The following CHRAC1 variants were observed in gnomAD, a reference collection of about 807,000 sequenced individuals.
CHRAC1 encodes chromatin accessibility complex protein 1.
A neutral mutation model predicts 9.1 loss-of-function variants in CHRAC1; 6 were observed. The ratio of observed to expected loss-of-function variants is 0.66; its 90% CI spans 0.36 to 1.29. The LOEUF is 1.29. CHRAC1 is among the 50% of genes most tolerant of loss of function. CHRAC1 has a pLI of 0.03. For missense variants in CHRAC1, 168 were observed against 163.5 expected, an observed-to-expected ratio of 1.03 and a Z score of -0.15; for synonymous variants, 73 against 64.5, an observed-to-expected ratio of 1.13 and a Z score of -0.63.
chr8:140,512,128 C>G (rs2072283164), intron 1 of CHRAC1: 1 of 797,348 alleles, frequency 1.3e-6, no homozygotes, highest in Non-Finnish European at 1.8e-6. Context: ...CCGTGGGCGT[C>G]GGCGCCTAGT....
chr8:140,515,489 C>T lies in CHRAC1; in HGVS notation c.*242C>T. 1 of 310,972 alleles carries T rather than the reference C, an allele frequency of 3.2e-6. No individual in the cohort carries two copies. The highest frequency in any genetic ancestry group is 1.0e-4 in the South Asian group (1 of 9,562). 19.3% of individuals were successfully genotyped at this position (310,972 alleles called of 1,614,324 possible). A position where few individuals can be genotyped will look rare whatever the true frequency, so the allele number is the denominator to read the frequency against. ...CCTCCTCGACAGGCCCACCCTGCAG[C>T]TCAGGCACCAAGAAAACAGCCGATA... On this transcript the variant is annotated 3_prime_UTR_variant, in exon 3 of 3. Transcript: ENST00000220913.
intron 1 of CHRAC1, among the ~76,000 whole-genome samples, chr8:140,513,748 CT>C (rs1195771679): frequency 6.6e-6 from 1 of 151,908 alleles, no homozygotes; most frequent in Non-Finnish European, 1.5e-5. Context: ...CTCCCGGCCG[CT>C]TCTTTCTTTT....
In CHRAC1 at chr8:140,511,470, G is replaced by T; in HGVS notation, c.-30G>T. ...AGCCACTTCGCGGTCGGGCCCGCCGGCTGCGGGCACCCGCGCGACGGGCGG... is the reference window on the plus strand; with the variant it reads ...AGCCACTTCGCGGTCGGGCCCGCCGTCTGCGGGCACCCGCGCGACGGGCGG... On this transcript the variant is annotated 5_prime_UTR_variant, in exon 1 of 3. Coordinates refer to ENST00000220913, the MANE Select transcript of CHRAC1 (RefSeq NM_017444.6). 1 of 1,311,688 alleles carries T rather than the reference G, an allele frequency of 7.6e-7. No individual in the cohort carries two copies. Among genetic ancestry groups the T allele is most frequent in the Non-Finnish European group, 9.8e-7 (1 of 1,018,592 alleles). 81.3% of individuals were successfully genotyped at this position (1,311,688 alleles called of 1,614,324 possible).
At chr8:140,512,096 G>A in intron 1 of CHRAC1, 1 of 1,151,432 alleles carries the variant, frequency 8.7e-7, no homozygotes, top group Non-Finnish European at 1.1e-6. Context: ...CCTCGCGTGC[G>A]GCGCTCAGTT....
intron 1 of CHRAC1, 133 bp downstream of exon 1, chr8:140,511,779 G>A: frequency 1.1e-6 from 1 of 940,532 alleles, no homozygotes; most frequent in Non-Finnish European, 1.5e-6. Flanking sequence ...GCGCCCCGCT[G>A]TCCCCGTCCC....
chr8:140,514,676 G>A (rs920975299), intron 2 of CHRAC1, 181 bp downstream of exon 2: 7 of 507,610 alleles, frequency 1.4e-5, no homozygotes, highest in Non-Finnish European at 2.4e-5. Flanking sequence ...GAATGTGTTT[G>A]TCATGTGGTC....
Position 140,514,450 on chromosome 8 carries a change from T to C in CHRAC1, c.229T>C (p.Leu77=), listed in dbSNP as rs1489864714. Residue 77 remains leucine (L), a synonymous_variant, in exon 2 of 3, where the codon TTA becomes CTA. Coordinates refer to ENST00000220913, the MANE Select transcript of CHRAC1 (RefSeq NM_017444.6). ...AAAGAAAGTACTGACTTACAGTGATTTAGCAAACACTGCACAGCAATCAGA... is the reference window on the plus strand; with the variant it reads ...AAAGAAAGTACTGACTTACAGTGATCTAGCAAACACTGCACAGCAATCAGA... ...KEKKVLTYSD[L]ANTAQQSETF... The C allele has an allele frequency of 6.3e-7, 1 of 1,581,296 alleles. No homozygotes were observed. The highest frequency in any genetic ancestry group is 1.4e-5 in the African/African-American group (1 of 72,612).
chr8:140,515,510 C>T lies in CHRAC1; in HGVS notation c.*263C>T, dbSNP rs191916120. The T allele has an allele frequency of 1.7e-4, 46 of 276,150 alleles. No individual in the cohort carries two copies. Among genetic ancestry groups the T allele is most frequent in the Middle Eastern group, 1.0e-3 (1 of 972 alleles). The allele number at this position is 276,150 out of a possible 1,614,324, so 17.1% of individuals were successfully genotyped here. On this transcript the variant is annotated 3_prime_UTR_variant, in exon 3 of 3. Coordinates refer to ENST00000220913, the MANE Select transcript of CHRAC1 (RefSeq NM_017444.6). Reference sequence around the variant, plus strand: ...GCAGCTCAGGCACCAAGAAAACAGCCGATACTGGCAGCCATTGCAGCTCCA... The same window carrying T: ...GCAGCTCAGGCACCAAGAAAACAGCTGATACTGGCAGCCATTGCAGCTCCA...
In CHRAC1 at chr8:140,513,923, T is replaced by C. The variant is rs769265891; in HGVS notation, c.148-446T>C. On this transcript the variant is annotated intron_variant, in intron 1 of 2. Transcript: ENST00000220913. ...TTTCCCCAGTGATTTCTTTTTTTTT[T>C]TTTTTTTTTTTTTTTGAGACGGAGT... 2.3e-3 allele frequency among the ~76,000 whole-genome samples: 262 copies of C among 116,144 alleles called. 3 individuals are homozygous for C. The highest frequency in any genetic ancestry group is 3.3e-3 in the Non-Finnish European group (183 of 55,264). The allele number at this position is 116,144 out of a possible 152,430, so 76.2% of individuals were successfully genotyped here. A position where few individuals can be genotyped will look rare whatever the true frequency, so the allele number is the denominator to read the frequency against.
At chr8:140,513,618 T>TA (rs1240601135) in intron 1 of CHRAC1, among the ~76,000 whole-genome samples, 4 of 151,398 alleles carry the variant, frequency 2.6e-5, no homozygotes, top group African/African-American at 7.3e-5. Flanking sequence ...TTTTTTTTAT[T>TA]TTATTTTTAG....
At chr8:140,512,012 C>T in intron 1 of CHRAC1, 1 of 1,290,456 alleles carries the variant, frequency 7.7e-7, no homozygotes, top group Non-Finnish European at 1.0e-6. Flanking sequence ...CTCGCGCTTC[C>T]ATTCGGCAAA....
rs1564060132 is a variant in CHRAC1, at chr8:140,516,659, GTTCA to G, written c.*1415_*1418del. On this transcript the variant is annotated 3_prime_UTR_variant, in exon 3 of 3. Transcript: ENST00000220913. ...ACCACTGGTGTTTTCTGTCCCTCTT[GTTCA>G]TTGACATTTATTTTAAAATAAAATA... The G allele has an allele frequency of 6.6e-6, 1 of 152,030 alleles. No homozygotes were observed. Among genetic ancestry groups the G allele is most frequent in the African/African-American group, 2.4e-5 (1 of 41,430 alleles). 9.4% of individuals were successfully genotyped at this position (152,030 alleles called of 1,614,324 possible).
intron 1 of CHRAC1, chr8:140,512,075 C>T (rs941662010): frequency 1.6e-6 from 2 of 1,233,442 alleles, no homozygotes; most frequent in Non-Finnish European, 2.1e-6. Context: ...CACCTGTGCG[C>T]TCACGTCCTC....
chr8:140,511,329 A>G lies in CHRAC1; in HGVS notation c.-171A>G. 1 of 452,592 alleles carries G rather than the reference A, an allele frequency of 2.2e-6. No homozygotes were observed. Among genetic ancestry groups the G allele is most frequent in the Non-Finnish European group, 3.6e-6 (1 of 279,880 alleles). 28.0% of individuals were successfully genotyped at this position (452,592 alleles called of 1,614,324 possible). ...AGATCGGGGGCGCGAGGCCTCACGG[A>G]GCTCGTAGTTTCCCGGACGGGCCGC... is the stretch of plus-strand genomic sequence containing the variant. On this transcript the variant is annotated 5_prime_UTR_variant, in exon 1 of 3. Coordinates refer to ENST00000220913, the MANE Select transcript of CHRAC1 (RefSeq NM_017444.6).
chr8:140,514,874 C>T lies in CHRAC1; in HGVS notation c.275-252C>T. ...GCCTAGGCTATCTCAGGTAGTCGGG[C>T]AGGGTTGCTCATAAAAGCAGCTCAT... On this transcript the variant is annotated intron_variant, in intron 2 of 2. Coordinates refer to ENST00000220913, the MANE Select transcript of CHRAC1 (RefSeq NM_017444.6). 6 of 402,874 alleles carry T rather than the reference C, an allele frequency of 1.5e-5. No individual in the cohort carries two copies. In the South Asian group the frequency reaches 2.0e-4, roughly 13 times the overall value. 25.0% of individuals were successfully genotyped at this position (402,874 alleles called of 1,614,324 possible).
At chr8:140,512,861 A>C (rs1484066877) in intron 1 of CHRAC1, among the ~76,000 whole-genome samples, 1 of 152,240 alleles carries the variant, frequency 6.6e-6, no homozygotes, top group Non-Finnish European at 1.5e-5. Flanking sequence ...GGAGTTTCCC[A>C]GGCTGGAGTG....
Position 140,511,527 on chromosome 8 carries a change from A to G in CHRAC1, c.28A>G (p.Lys10Glu). The change falls in exon 1 of 3, where the codon AAG (lysine) becomes GAG (glutamate). Residue 10 changes from lysine (K) to glutamate (E), a missense_variant. Coordinates refer to ENST00000220913, the MANE Select transcript of CHRAC1 (RefSeq NM_017444.6). ...GGCGGACGTGGTCGTGGGTAAAGAC[A>G]AGGGCGGGGAGCAGCGGCTCATCTC... MADVVVGKD[K>E]GGEQRLISLP... 7.2e-7 allele frequency: 1 copy of G among 1,386,740 alleles called. No homozygotes were observed. The highest frequency in any genetic ancestry group is 9.4e-7 in the Non-Finnish European group (1 of 1,062,322). 85.9% of individuals were successfully genotyped at this position (1,386,740 alleles called of 1,614,324 possible). A position where few individuals can be genotyped will look rare whatever the true frequency, so the allele number is the denominator to read the frequency against.
intron 1 of CHRAC1, among the ~76,000 whole-genome samples, chr8:140,513,922 T>TTC (rs1157854963): frequency 8.7e-6 from 1 of 115,298 alleles, no homozygotes; most frequent in Non-Finnish European, 1.8e-5. Context: ...TCTTTTTTTT[T>TTC]TTTTTTTTTT....
chr8:140,511,683 C>A (rs748241653), intron 1 of CHRAC1, 37 bp downstream of exon 1: 10 of 1,296,542 alleles, frequency 7.7e-6, no homozygotes, highest in Non-Finnish European at 3.9e-6. Context: ...CCGCCCTTAC[C>A]CCTCGCGCCC....
Sources: gnomAD v4.1 joint callset for allele counts (sites outside exome capture counted in the v4.1 genomes callset) on GRCh38, gnomAD v4.1.1 for gene constraint, MANE v1.5 for transcripts, NCBI Gene and HGNC (gene_info 2026-07-23, HGNC 2026-07-21) for gene names.